PPARGC1A: variants seen among roughly 807,000 people sequenced by gnomAD.
PPARGC1A encodes the protein peroxisome proliferator-activated receptor gamma coactivator 1-alpha.
PPARGC1A carries 25 observed loss-of-function variants against 88.7 expected under a neutral mutation model. That is an observed-to-expected ratio of 0.28 (90% confidence interval 0.21 to 0.39). The LOEUF (loss-of-function observed/expected upper bound fraction) is 0.39, where lower values mean the gene tolerates loss of function less well. Ranked by LOEUF, PPARGC1A falls within the 10% of genes least tolerant of loss-of-function variation. PPARGC1A has a pLI of 1.00. For missense variants in PPARGC1A, 880 were observed against 968.7 expected (o/e 0.91, Z 1.22); for synonymous variants, 363 against 355.6 (o/e 1.02, Z -0.24).
At chr4:24,102,086 A>G in the PPARGC1A span, among the ~76,000 whole-genome samples, 1 of 152,202 alleles carries the variant, frequency 6.6e-6, no homozygotes, top group Non-Finnish European at 1.5e-5. Context: ...CCCCTGCCCC[A>G]ACATAGCTTC....
At chr4:24,243,578 G>A in the PPARGC1A span, among the ~76,000 whole-genome samples, 2 of 152,232 alleles carry the variant, frequency 1.3e-5, no homozygotes, top group Non-Finnish European at 2.9e-5. Flanking sequence ...AGAAAGGAGA[G>A]TGTCATGGCA....
chr4:23,952,215 A>G, the PPARGC1A span, among the ~76,000 whole-genome samples: 1 of 152,146 alleles, frequency 6.6e-6, no homozygotes, highest in African/African-American at 2.4e-5. Flanking sequence ...ACACATTTAA[A>G]TCATCTGAAA....
At chr4:24,421,242 T>C in the PPARGC1A span, among the ~76,000 whole-genome samples, 2 of 152,150 alleles carry the variant, frequency 1.3e-5, no homozygotes, top group African/African-American at 4.8e-5. Flanking sequence ...GTCCCAAATA[T>C]TGTATGGGAT....
At chr4:24,273,871 C>G in the PPARGC1A span, among the ~76,000 whole-genome samples, 1 of 151,628 alleles carries the variant, frequency 6.6e-6, no homozygotes, top group Non-Finnish European at 1.5e-5. Context: ...GGTGGGATTA[C>G]AGGCACCCGC....
the PPARGC1A span, among the ~76,000 whole-genome samples, chr4:24,243,122 C>A: frequency 3.9e-5 from 6 of 152,104 alleles, no homozygotes; most frequent in African/African-American, 1.4e-4. Context: ...TCCCTAGCCC[C>A]CAGCAAAGTA....
At chr4:23,956,356 T>C in the PPARGC1A span, among the ~76,000 whole-genome samples, 2 of 152,152 alleles carry the variant, frequency 1.3e-5, no homozygotes, top group Non-Finnish European at 2.9e-5. Flanking sequence ...TTGATGCTGC[T>C]GGTCTTGGGA....
the PPARGC1A span, among the ~76,000 whole-genome samples, chr4:24,037,267 G>A: frequency 6.6e-6 from 1 of 151,912 alleles, no homozygotes; most frequent in Non-Finnish European, 1.5e-5. Flanking sequence ...TACTTCATAT[G>A]GTCTTTCTGA....
chr4:23,809,287 G>A (rs1247668760), intron 10 of PPARGC1A, among the ~76,000 whole-genome samples: 1 of 152,112 alleles, frequency 6.6e-6, no homozygotes, highest in Non-Finnish European at 1.5e-5. Flanking sequence ...CTATTTGGAG[G>A]AAGGGAATCA....
At chr4:24,054,891 A>C in the PPARGC1A span, among the ~76,000 whole-genome samples, 282 of 152,346 alleles carry the variant, frequency 1.9e-3, 1 homozygote, top group Non-Finnish European at 3.0e-3. Context: ...TAATAATCAT[A>C]GTAGCAGCAG....
chr4:24,210,160 C>T, the PPARGC1A span, among the ~76,000 whole-genome samples: 1 of 152,180 alleles, frequency 6.6e-6, no homozygotes, highest in African/African-American at 2.4e-5. Context: ...AATTCTCTGT[C>T]CTGAGTGTCA....
At chr4:23,882,501 C>A (rs1265114608) in intron 2 of PPARGC1A, among the ~76,000 whole-genome samples, 1 of 152,120 alleles carries the variant, frequency 6.6e-6, no homozygotes, top group African/African-American at 2.4e-5. Flanking sequence ...TGTCTCTAGT[C>A]TCTACTCAAT....
At chr4:23,924,363 C>T in the PPARGC1A span, among the ~76,000 whole-genome samples, 1 of 152,274 alleles carries the variant, frequency 6.6e-6, no homozygotes, top group South Asian at 2.1e-4. Flanking sequence ...CGTGGTGCCT[C>T]GTGTCTGTAA....
chr4:24,265,301 T>C, the PPARGC1A span, among the ~76,000 whole-genome samples: 1 of 152,218 alleles, frequency 6.6e-6, no homozygotes, highest in Non-Finnish European at 1.5e-5. Context: ...CAACTTCTCC[T>C]TCTTTTCCTA....
chr4:23,940,533 C>T, the PPARGC1A span, among the ~76,000 whole-genome samples: 6 of 152,150 alleles, frequency 3.9e-5, no homozygotes, highest in Non-Finnish European at 8.8e-5. Context: ...ATGTTAAAAA[C>T]AAATCACCAA....
the PPARGC1A span, among the ~76,000 whole-genome samples, chr4:24,194,612 ACGCGCGCG>A: frequency 4.9e-4 from 28 of 56,630 alleles, no homozygotes; most frequent in Admixed American, 1.5e-3. Flanking sequence ...GCTGGCACAC[ACGCGCGCG>A]CACGCGCGCG....
chr4:23,983,675 A>G, the PPARGC1A span, among the ~76,000 whole-genome samples: 1 of 152,106 alleles, frequency 6.6e-6, no homozygotes, highest in Non-Finnish European at 1.5e-5. Context: ...TTAAATGAAG[A>G]GAAGAAATGG....
At chr4:24,308,221 G>C in the PPARGC1A span, among the ~76,000 whole-genome samples, 1 of 149,468 alleles carries the variant, frequency 6.7e-6, no homozygotes, top group Non-Finnish European at 1.5e-5. Flanking sequence ...GAACCTGGGA[G>C]GTGGAGGTTG....
chr4:24,418,595 G>A, the PPARGC1A span, among the ~76,000 whole-genome samples: 212 of 151,786 alleles, frequency 1.4e-3, no homozygotes, highest in Non-Finnish European at 2.2e-3. Flanking sequence ...TTAGAACCCA[G>A]GCCAGGTATG....
At chr4:23,813,229 G>T (rs192922822) in intron 8 of PPARGC1A, 104 bp from the exon 9 acceptor site, 225 of 956,950 alleles carry the variant, frequency 2.4e-4, no homozygotes, top group Non-Finnish European at 3.1e-4. Context: ...ACAGAGACTG[G>T]CTTTTTCTTC....
Sources: allele counts gnomAD v4.1 joint callset (sites outside exome capture counted in the v4.1 genomes callset), GRCh38; gene constraint gnomAD v4.1.1; transcripts MANE v1.5; gene names NCBI Gene and HGNC (gene_info 2026-07-23, HGNC 2026-07-21).